The following GLB1 variants were observed in gnomAD, a reference collection of about 807,000 sequenced individuals.
The protein encoded by GLB1 is galactosidase beta 1.
Under a neutral mutation model 74.0 loss-of-function variants are expected in GLB1, and 56 were observed. The observed-to-expected ratio is 0.76, with a 90% CI of 0.61 to 0.94. The LOEUF is 0.94. Ranked by LOEUF, GLB1 falls within the 40% of genes least tolerant of loss-of-function variation. The pLI, the probability that GLB1 is intolerant of heterozygous loss-of-function variation, is 0.00. For missense variants in GLB1, 787 were observed against 845.5 expected (o/e 0.93, Z 0.86); for synonymous variants, 323 against 323.6 (o/e 1.00, Z 0.02).
chr3:33,062,284 C>T (rs1451455778), intron 5 of GLB1, among the ~76,000 whole-genome samples: 1 of 152,188 alleles, frequency 6.6e-6, no homozygotes, highest in Admixed American at 6.5e-5. Flanking sequence ...CCTCCTGCCT[C>T]TGCCCCCTGA....
At chr3:33,021,511 G>A in intron 12 of GLB1, 55 bp downstream of exon 12, 1 of 1,581,430 alleles carries the variant, frequency 6.3e-7, no homozygotes, top group Non-Finnish European at 8.6e-7. Context: ...AGGCAGTGCA[G>A]AAAGCACACT....
chr3:33,003,559 GA>G (rs1346732057), intron 15 of GLB1, among the ~76,000 whole-genome samples: 1 of 152,210 alleles, frequency 6.6e-6, no homozygotes, highest in Admixed American at 6.5e-5. Flanking sequence ...TGTGCAACTG[GA>G]AACAGTGAAT....
chr3:32,962,109 G>T, the GLB1 span, among the ~76,000 whole-genome samples: 1 of 151,890 alleles, frequency 6.6e-6, no homozygotes, highest in South Asian at 2.1e-4. Context: ...TAGGAGAATC[G>T]ATTAAACCCA....
rs777471345 is a variant in GLB1 at position 33,072,525 on chromosome 3, C to T, written c.245+19G>A. On this transcript the variant is annotated intron_variant, in intron 2 of 15. Transcript: ENST00000307363. ...TGGGTGTTCAGGCCTAGGTGAGAGC[C>T]ACATGCCCTCCTACTTACGTCTGGA... The T allele has an allele frequency of 4.3e-6, 7 of 1,612,432 alleles. No individual in the cohort carries two copies. The highest frequency in any genetic ancestry group is 1.1e-5 in the South Asian group (1 of 91,002).
intron 5 of GLB1, 58 bp from the exon 6 acceptor site, chr3:33,058,327 G>A (rs749410387): frequency 1.4e-5 from 22 of 1,605,700 alleles, no homozygotes; most frequent in Non-Finnish European, 1.6e-5. Flanking sequence ...CCACCCTAAT[G>A]CAAGCTTTTG....
intron 15 of GLB1, 66 bp downstream of exon 15, chr3:33,013,990 C>G: frequency 6.2e-7 from 1 of 1,612,896 alleles, no homozygotes; most frequent in Non-Finnish European, 8.5e-7. Flanking sequence ...CTTTGTGATT[C>G]TTTCTCAGAC....
chr3:33,094,811 GTGC>G (rs1700936336), intron 1 of GLB1, among the ~76,000 whole-genome samples: 1 of 152,162 alleles, frequency 6.6e-6, no homozygotes. Flanking sequence ...ATGTAAAACA[GTGC>G]AACTCTTCAC....
intron 10 of GLB1, chr3:33,030,436 A>G: frequency 3.3e-6 from 3 of 920,538 alleles, no homozygotes; most frequent in Non-Finnish European, 3.9e-6. Context: ...ACTATTTAAC[A>G]GTTGCTAAGT....
chr3:33,063,107 G>A (rs1699514841), intron 5 of GLB1, among the ~76,000 whole-genome samples: 1 of 152,152 alleles, frequency 6.6e-6, no homozygotes, highest in Admixed American at 6.5e-5. Flanking sequence ...TAGGAACTGT[G>A]CGTCAGAAGG....
chr3:33,087,259 A>C (rs1303222824), intron 1 of GLB1, among the ~76,000 whole-genome samples: 1 of 152,016 alleles, frequency 6.6e-6, no homozygotes. Context: ...TATTAAAAAG[A>C]TTGAATCAGT....
intron 15 of GLB1, among the ~76,000 whole-genome samples, 172 bp downstream of exon 15, chr3:33,013,884 G>A (rs1250599110): frequency 6.6e-6 from 1 of 152,146 alleles, no homozygotes; most frequent in African/African-American, 2.4e-5. Flanking sequence ...CCTCCGAGCT[G>A]GCCACTGAAT....
chr3:32,989,283 A>G, the GLB1 span, among the ~76,000 whole-genome samples: 1 of 152,166 alleles, frequency 6.6e-6, no homozygotes, highest in Non-Finnish European at 1.5e-5. Context: ...GCTCCCCTCC[A>G]GAGAAAAACC....
At chr3:33,086,059 C>T (rs758380336) in intron 1 of GLB1, among the ~76,000 whole-genome samples, 1 of 151,996 alleles carries the variant, frequency 6.6e-6, no homozygotes, top group Non-Finnish European at 1.5e-5. Flanking sequence ...GCCTGAACAA[C>T]AGAGCAAGAC....
At chr3:33,043,386 C>A (rs188227231) in intron 10 of GLB1, among the ~76,000 whole-genome samples, 3 of 152,022 alleles carry the variant, frequency 2.0e-5, no homozygotes, top group Non-Finnish European at 2.9e-5. Context: ...CTGTGTACTA[C>A]GAGTTGTTCT....
At chr3:33,082,519 G>T (rs895260831) in intron 1 of GLB1, among the ~76,000 whole-genome samples, 8 of 152,128 alleles carry the variant, frequency 5.3e-5, no homozygotes, top group Admixed American at 3.3e-4. Context: ...GTGAGCCTCT[G>T]CCAGAAAAAA....
At chr3:32,985,626 A>G in the GLB1 span, among the ~76,000 whole-genome samples, 1 of 151,876 alleles carries the variant, frequency 6.6e-6, no homozygotes, top group Admixed American at 6.6e-5. Context: ...CTTTATATAT[A>G]TTTTATTTTA....
chr3:33,045,997 C>A, intron 10 of GLB1, 123 bp downstream of exon 10: 1 of 1,279,008 alleles, frequency 7.8e-7, no homozygotes, highest in East Asian at 2.6e-5. Flanking sequence ...CTAGCTGATG[C>A]CTCCCTTCAT....
chr3:33,068,173 C>A, intron 4 of GLB1, 57 bp downstream of exon 4: 6 of 1,611,850 alleles, frequency 3.7e-6, no homozygotes, highest in Non-Finnish European at 5.1e-6. Flanking sequence ...AGGCGTGAGC[C>A]ACCGCACCTA....
Position 33,014,148 on chromosome 3 carries a change from G to A in GLB1, c.1642C>T (p.Leu548Phe), listed in dbSNP as rs764814773. Residue 548 changes from leucine (L) to phenylalanine (F), a missense_variant, in exon 15 of 16, where the codon CTC (leucine) becomes TTC (phenylalanine). Coordinates refer to ENST00000307363, the MANE Select transcript of GLB1 (RefSeq NM_000404.4). ...AWAHNSSNYT[L>F]PAFYMGNFSI... is the part of the protein sequence containing the mutation. The stretch of plus-strand genomic sequence containing the variant: ...AAGTTCCCCATATAAAAGGCCGGGA[G>A]CGTGTAGTTGGATGAGTTGTGGGCC... 1 of 1,614,234 alleles carries A rather than the reference G, an allele frequency of 6.2e-7. No homozygotes were observed. The highest frequency in any genetic ancestry group is 1.7e-5 in the Admixed American group (1 of 60,030).
Sources: gnomAD v4.1 joint callset for allele counts (sites outside exome capture counted in the v4.1 genomes callset) on GRCh38, gnomAD v4.1.1 for gene constraint, MANE v1.5 for transcripts, NCBI Gene and HGNC (gene_info 2026-07-23, HGNC 2026-07-21) for gene names.